The following PCDHA1 variants were observed in gnomAD, a reference collection of about 807,000 sequenced individuals.
PCDHA1 encodes the protein protocadherin alpha-1.
Under a neutral mutation model 61.3 loss-of-function variants are expected in PCDHA1, and 42 were observed. That is an observed-to-expected ratio of 0.69 (90% confidence interval 0.54 to 0.89). The LOEUF is 0.89. Ranked by LOEUF, PCDHA1 falls within the 40% of genes least tolerant of loss-of-function variation. PCDHA1 has a pLI of 0.00. For missense variants in PCDHA1, 1,256 were observed against 1,235.3 expected (o/e 1.02, Z -0.25); for synonymous variants, 610 against 553.8 (o/e 1.10, Z -1.43).
intron 1 of PCDHA1, among the ~76,000 whole-genome samples, chr5:140,878,731 A>T (rs1037542413): frequency 1.3e-5 from 2 of 152,252 alleles, no homozygotes; most frequent in Admixed American, 6.5e-5. Context: ...TTCCAGCCTT[A>T]TATCTACTTT....
rs2150182871 is a variant in PCDHA1 at position 140,830,216 on chromosome 5, A to G, written c.2394+41532A>G. ...GATCATCGCCATCTGCGCGGTATCC[A>G]GCCTGCTGGTCCTCACGCTACTGCT... is the stretch of plus-strand genomic sequence containing the variant. On this transcript the variant is annotated intron_variant, in intron 1 of 3. Transcript: ENST00000504120. 72 of 1,613,860 alleles carry G rather than the reference A, an allele frequency of 4.5e-5. No homozygotes were observed. The South Asian group carries it at 7.4e-4, about 16-fold the overall frequency.
chr5:140,823,878 C>G (rs142924665), intron 1 of PCDHA1: 3 of 1,613,924 alleles, frequency 1.9e-6, no homozygotes, highest in Non-Finnish European at 2.5e-6. Context: ...ACCTGATCAT[C>G]GCCATCTGTG....
At chr5:140,860,642 GAAGAT>G (rs144102428) in intron 1 of PCDHA1, 5 of 152,352 alleles carry the variant, frequency 3.3e-5, no homozygotes, top group African/African-American at 1.2e-4. Context: ...CAGGAACGAA[GAAGAT>G]AAGTGAAATA....
chr5:140,820,301 T>G (rs1554127819), intron 1 of PCDHA1, among the ~76,000 whole-genome samples: 1 of 152,006 alleles, frequency 6.6e-6, no homozygotes, highest in Non-Finnish European at 1.5e-5. Context: ...AACAATTCTA[T>G]GACAATATCT....
At chr5:140,900,014 T>C (rs1002415971) in intron 1 of PCDHA1, among the ~76,000 whole-genome samples, 1 of 152,032 alleles carries the variant, frequency 6.6e-6, no homozygotes, top group African/African-American at 2.4e-5. Flanking sequence ...CTCACTTTGT[T>C]ACCCAGTTTG....
chr5:140,857,649 T>G, intron 1 of PCDHA1: 1 of 1,596,586 alleles, frequency 6.3e-7, no homozygotes, highest in Non-Finnish European at 8.6e-7. Context: ...CAGTTCCAGG[T>G]GAGCGCGCGC....
intron 1 of PCDHA1, chr5:140,836,781 T>C: frequency 6.7e-7 from 1 of 1,482,902 alleles, no homozygotes; most frequent in South Asian, 1.3e-5. Flanking sequence ...TTAAAACAAT[T>C]AGTTCAATTG....
intron 1 of PCDHA1, chr5:140,877,942 C>T: frequency 7.3e-7 from 1 of 1,367,876 alleles, no homozygotes; most frequent in Admixed American, 3.1e-5. Flanking sequence ...ATCCTTTAAA[C>T]TATCGAATGT....
At chr5:140,802,022 G>A in intron 1 of PCDHA1, 1 of 1,614,190 alleles carries the variant, frequency 6.2e-7, no homozygotes, top group Non-Finnish European at 8.5e-7. Context: ...GAGTAAATAA[G>A]GATATCGCGT....
chr5:140,922,700 A>G (rs1447566146), intron 1 of PCDHA1, among the ~76,000 whole-genome samples: 1 of 152,256 alleles, frequency 6.6e-6, no homozygotes, highest in Non-Finnish European at 1.5e-5. Context: ...GCTTCCATAC[A>G]GTCAAGAACA....
intron 1 of PCDHA1, among the ~76,000 whole-genome samples, chr5:140,910,741 A>G (rs1349649150): frequency 1.3e-5 from 2 of 152,142 alleles, no homozygotes; most frequent in African/African-American, 2.4e-5. Flanking sequence ...AACCAAGCAC[A>G]TAAATTATCA....
At chr5:140,883,876 C>A in intron 1 of PCDHA1, 1 of 1,613,214 alleles carries the variant, frequency 6.2e-7, no homozygotes, top group Non-Finnish European at 8.5e-7. Flanking sequence ...TCCAGGTGAG[C>A]GCGCGCGACT....
At chr5:140,935,908 T>TG (rs2090628873) in intron 1 of PCDHA1, among the ~76,000 whole-genome samples, 1 of 151,636 alleles carries the variant, frequency 6.6e-6, no homozygotes, top group Non-Finnish European at 1.5e-5. Context: ...TTTTTTTTTT[T>TG]TTGAGACAGA....
chr5:140,830,136 C>T (rs2150181675), intron 1 of PCDHA1: 3 of 1,613,258 alleles, frequency 1.9e-6, no homozygotes, highest in Non-Finnish European at 8.5e-7. Flanking sequence ...TCATCACGGG[C>T]GTCGGTGGGC....
intron 1 of PCDHA1, chr5:140,801,913 C>T (rs781803444): frequency 3.7e-6 from 6 of 1,614,016 alleles, no homozygotes; most frequent in Non-Finnish European, 4.2e-6. Flanking sequence ...AACGACAACG[C>T]CCCAGCGTTT....
At chr5:140,993,509 C>T (rs930990761) in intron 3 of PCDHA1, among the ~76,000 whole-genome samples, 23 of 143,490 alleles carry the variant, frequency 1.6e-4, no homozygotes, top group Admixed American at 3.5e-4. Context: ...CACACACACA[C>T]GGGGAGAGAG....
intron 1 of PCDHA1, chr5:140,850,389 A>G (rs2150482026): frequency 7.5e-6 from 12 of 1,597,864 alleles, no homozygotes; most frequent in Non-Finnish European, 1.0e-5. Flanking sequence ...GGGCGAGATC[A>G]GCACAACGCG....
intron 3 of PCDHA1, among the ~76,000 whole-genome samples, chr5:140,996,043 C>T (rs1282990779): frequency 6.6e-6 from 1 of 152,202 alleles, no homozygotes; most frequent in Non-Finnish European, 1.5e-5. Context: ...GCACTTAACA[C>T]AGTGCTTGGC....
At chr5:140,873,642 G>A (rs1217578025) in intron 1 of PCDHA1, among the ~76,000 whole-genome samples, 1 of 152,154 alleles carries the variant, frequency 6.6e-6, no homozygotes, top group Non-Finnish European at 1.5e-5. Flanking sequence ...GAGTATGTGA[G>A]AACTACATAA....
Sources: gnomAD v4.1 joint callset for allele counts (sites outside exome capture counted in the v4.1 genomes callset) on GRCh38, gnomAD v4.1.1 for gene constraint, MANE v1.5 for transcripts, NCBI Gene and HGNC (gene_info 2026-07-23, HGNC 2026-07-21) for gene names.